The following STRN variants were observed in gnomAD, a reference collection of about 807,000 sequenced individuals.
STRN encodes the protein protein phosphatase 2 regulatory subunit B'''alpha.
In STRN, 53 loss-of-function variants were observed where a neutral mutation model predicts 96.3. That is an observed-to-expected ratio of 0.55 (90% CI 0.44 to 0.69). The LOEUF is 0.69. Among genes scored for constraint, STRN ranks in the 30% least tolerant of loss-of-function variants. The pLI is 0.00. For missense variants in STRN, 987 were observed against 963.9 expected (o/e 1.02, Z -0.32); for synonymous variants, 428 against 355.9 (o/e 1.20, Z -2.28).
intron 1 of STRN, among the ~76,000 whole-genome samples, chr2:36,942,421 A>G (rs1300890018): frequency 2.0e-5 from 3 of 152,164 alleles, no homozygotes; most frequent in African/African-American, 7.2e-5. Context: ...AGCCAAAAGC[A>G]TTCCTGATAT....
At chr2:36,883,380 C>A (rs1669126470) in intron 9 of STRN, among the ~76,000 whole-genome samples, 1 of 152,132 alleles carries the variant, frequency 6.6e-6, no homozygotes, top group African/African-American at 2.4e-5. Flanking sequence ...TCACTTGAAC[C>A]TGGGAGGTGG....
intron 1 of STRN, among the ~76,000 whole-genome samples, chr2:36,933,668 G>A (rs556287305): frequency 2.0e-5 from 3 of 152,144 alleles, no homozygotes; most frequent in African/African-American, 7.2e-5. Context: ...GCAATGGCAC[G>A]ATCACAGCTC....
intron 3 of STRN, 111 bp from the exon 4 acceptor site, chr2:36,905,729 G>GC: frequency 1.1e-6 from 1 of 883,602 alleles, no homozygotes; most frequent in Admixed American, 2.0e-5. Flanking sequence ...ATGTAAAACT[G>GC]CAACTGTAAG....
chr2:36,958,210 G>A (rs1385299206), intron 1 of STRN, among the ~76,000 whole-genome samples: 4 of 151,974 alleles, frequency 2.6e-5, no homozygotes, highest in Admixed American at 1.3e-4. Context: ...ATGAGCCACC[G>A]TGCCTGTCTA....
At chr2:36,873,941 C>CA (rs56195651) in intron 10 of STRN, among the ~76,000 whole-genome samples, 48 of 138,000 alleles carry the variant, frequency 3.5e-4, no homozygotes, top group African/African-American at 1.3e-3. Context: ...GACTCCGCCT[C>CA]AAAAAAAAAA....
chr2:36,862,166 G>A (rs563884657), intron 12 of STRN, among the ~76,000 whole-genome samples: 7 of 152,170 alleles, frequency 4.6e-5, no homozygotes, highest in South Asian at 2.1e-4. Context: ...CCAGTTTACC[G>A]ATGATGGGCA....
At chr2:36,877,671 G>A (rs551313761) in intron 10 of STRN, among the ~76,000 whole-genome samples, 6 of 152,310 alleles carry the variant, frequency 3.9e-5, no homozygotes, top group African/African-American at 1.4e-4. Flanking sequence ...TAGTAGCTGG[G>A]ATTATAGGCA....
chr2:36,906,939 C>CAA (rs113693211), intron 3 of STRN, among the ~76,000 whole-genome samples: 44 of 149,934 alleles, frequency 2.9e-4, no homozygotes, highest in Admixed American at 9.9e-4. Context: ...ACAAAAAAAA[C>CAA]AAAAAAAAAC....
chr2:36,940,032 A>G (rs1391041921), intron 1 of STRN, among the ~76,000 whole-genome samples: 1 of 152,210 alleles, frequency 6.6e-6, no homozygotes, highest in East Asian at 1.9e-4. Flanking sequence ...CACCATAGAC[A>G]TAGTTCAATT....
rs2148107144 is a variant in STRN at position 36,838,934 on chromosome 2, G to A, written c.*10522C>T. 6.6e-6 allele frequency among the ~76,000 whole-genome samples: 1 copy of A among 152,278 alleles called. No individual in the cohort carries two copies. The highest frequency in any genetic ancestry group is 2.1e-4 in the South Asian group (1 of 4,820). On this transcript the variant is annotated 3_prime_UTR_variant, in exon 18 of 18. Coordinates refer to ENST00000263918, the MANE Select transcript of STRN (RefSeq NM_003162.4). ...AATATCTTCTCATTAACGTTAGACT[G>A]TATATGTTTACTGATAAATTTGAGA...
chr2:36,878,004 A>G lies in STRN; in HGVS notation c.1210T>C (p.Ser404Pro), dbSNP rs541224068. The G allele has an allele frequency of 9.9e-6, 16 of 1,614,136 alleles. No individual in the cohort carries two copies. Among genetic ancestry groups the G allele is most frequent in the African/African-American group, 9.3e-5 (7 of 75,054 alleles). ...DEVEALTFPP[S>P]SGKSFIMGAD... ...CCCATGATGAATGACTTTCCAGAAG[A>G]AGGAGGAAATGTCAATGCTTCCACT... The change falls in exon 10 of 18, where the codon TCT becomes CCT. Residue 404 changes from serine (S) to proline (P), a missense_variant. Physicochemically the swap from Ser to Pro is moderately conservative, Grantham distance 74 (BLOSUM62 -1). Coordinates refer to ENST00000263918, the MANE Select transcript of STRN (RefSeq NM_003162.4).
chr2:36,923,766 G>C (rs1369116528), intron 2 of STRN, among the ~76,000 whole-genome samples: 1 of 151,406 alleles, frequency 6.6e-6, no homozygotes, highest in Non-Finnish European at 1.5e-5. Context: ...AACAAAACAA[G>C]CATCATTAAA....
In STRN at chr2:36,855,217, T is replaced by A. The variant is rs754570373; in HGVS notation, c.1973A>T (p.Asp658Val). 10 of 1,613,366 alleles carry A rather than the reference T, an allele frequency of 6.2e-6. No homozygotes were observed. The highest frequency in any genetic ancestry group is 2.7e-5 in the African/African-American group (2 of 74,908). Residue 658 changes from aspartate to valine, a missense_variant, in exon 15 of 18, where the codon GAT becomes GTT. Physicochemically the swap from Asp to Val is radical, Grantham distance 152. Transcript: ENST00000263918. ...QRILTLESNVDTTANSSCQIN... is the reference protein window; with the variant it reads ...QRILTLESNVVTTANSSCQIN... ...TTTAAAATTGGTATGCATACTTGTATCTACATTGGATTCTAAAGTGAGAAT... is the reference window on the plus strand; with the variant it reads ...TTTAAAATTGGTATGCATACTTGTAACTACATTGGATTCTAAAGTGAGAAT...
intron 7 of STRN, among the ~76,000 whole-genome samples, chr2:36,888,639 ATGTGTG>A (rs70946958): frequency 0.015 from 2,239 of 145,056 alleles, 64 homozygotes; most frequent in East Asian, 0.13. Context: ...TTTAATTTAT[ATGTGTG>A]TGTGTGTGTG....
chr2:36,908,096 G>GTTA (rs1161012308), intron 3 of STRN, among the ~76,000 whole-genome samples: 1 of 152,274 alleles, frequency 6.6e-6, no homozygotes, highest in Non-Finnish European at 1.5e-5. Context: ...ATCTGTGCAG[G>GTTA]TAACATAGTA....
At chr2:36,917,065 T>C (rs1325880633) in intron 2 of STRN, among the ~76,000 whole-genome samples, 2 of 138,798 alleles carry the variant, frequency 1.4e-5, no homozygotes, top group African/African-American at 2.8e-5. Flanking sequence ...AAAATAAAAA[T>C]AAATAAAAAA....
At chr2:36,945,675 G>A (rs1670962912) in intron 1 of STRN, among the ~76,000 whole-genome samples, 1 of 151,596 alleles carries the variant, frequency 6.6e-6, no homozygotes, top group Non-Finnish European at 1.5e-5. Context: ...AAAAAAAAAA[G>A]AATGCAGAAG....
chr2:36,899,090 C>T (rs1240845858), intron 6 of STRN, among the ~76,000 whole-genome samples: 1 of 152,150 alleles, frequency 6.6e-6, no homozygotes, highest in Admixed American at 6.5e-5. Context: ...TTTTGAAGAA[C>T]TCTAATGGAA....
At chr2:36,866,241 A>C (rs1014229387) in intron 12 of STRN, among the ~76,000 whole-genome samples, 3 of 151,496 alleles carry the variant, frequency 2.0e-5, no homozygotes, top group Non-Finnish European at 4.4e-5. Context: ...CTAGTGGCTG[A>C]TTTTTGTAGA....
Sources: allele counts gnomAD v4.1 joint callset (sites outside exome capture counted in the v4.1 genomes callset), GRCh38; gene constraint gnomAD v4.1.1; transcripts MANE v1.5; gene names NCBI Gene and HGNC (gene_info 2026-07-23, HGNC 2026-07-21).